The following SGCD variants were observed in gnomAD, a reference collection of about 807,000 sequenced individuals.
The protein encoded by SGCD is sarcoglycan delta, also known as delta-sarcoglycan.
A neutral mutation model predicts 36.6 loss-of-function variants in SGCD; 18 were observed. That is an observed-to-expected ratio of 0.49 (90% confidence interval 0.34 to 0.73). The LOEUF is 0.73. Among genes scored for constraint, SGCD ranks in the 30% least tolerant of loss-of-function variants. The pLI, the probability that SGCD is intolerant of heterozygous loss-of-function variation, is 0.01. For missense variants in SGCD, 387 were observed against 346.7 expected, an observed-to-expected ratio of 1.12 and a Z score of -0.92; for synonymous variants, 133 against 130.6, an observed-to-expected ratio of 1.02 and a Z score of -0.12.
intron 3 of SGCD, among the ~76,000 whole-genome samples, chr5:156,267,525 C>T (rs539269419): frequency 1.2e-4 from 19 of 152,280 alleles, no homozygotes; most frequent in African/African-American, 4.6e-4. Flanking sequence ...TTTTCGGAAA[C>T]CAGCCTGAGG....
intron 3 of SGCD, among the ~76,000 whole-genome samples, chr5:156,254,036 T>C (rs1290822209): frequency 1.3e-5 from 2 of 152,190 alleles, no homozygotes; most frequent in Non-Finnish European, 2.9e-5. Flanking sequence ...ATATAAACAA[T>C]TATATCATCG....
chr5:155,984,010 G>A (rs1165686312), intron 1 of SGCD, among the ~76,000 whole-genome samples: 1 of 152,138 alleles, frequency 6.6e-6, no homozygotes, highest in Non-Finnish European at 1.5e-5. Flanking sequence ...CCATTTGTCA[G>A]TATCATTTGC....
chr5:156,275,459 A>G (rs536500601), intron 3 of SGCD, among the ~76,000 whole-genome samples: 1 of 152,364 alleles, frequency 6.6e-6, no homozygotes, highest in South Asian at 2.1e-4. Flanking sequence ...TAGAAACAAC[A>G]TAAAATAAGT....
intron 1 of SGCD, among the ~76,000 whole-genome samples, chr5:156,043,726 T>C (rs1759692756): frequency 6.6e-6 from 1 of 152,138 alleles, no homozygotes; most frequent in Non-Finnish European, 1.5e-5. Flanking sequence ...AGCCCTACCC[T>C]TTTTAAAACC....
At chr5:156,738,916 T>G (rs1174522897) in intron 7 of SGCD, among the ~76,000 whole-genome samples, 1 of 152,236 alleles carries the variant, frequency 6.6e-6, no homozygotes, top group African/African-American at 2.4e-5. Flanking sequence ...ATCCAGCAGA[T>G]GAGGTGCTTG....
the SGCD span, among the ~76,000 whole-genome samples, chr5:155,784,337 T>C: frequency 2.0e-5 from 3 of 152,100 alleles, no homozygotes; most frequent in Non-Finnish European, 2.9e-5. Context: ...TTAAAAACCA[T>C]TGAGTGATGT....
rs183053717 is a variant in SGCD, at chr5:156,575,417, A to G, written c.295-13814A>G. On this transcript the variant is annotated intron_variant, in intron 4 of 8. Transcript: ENST00000337851. ...CTTAAACTTACAGCTTAGACTACAC[A>G]TTCCACTGTAGTAGAACAAGCGGAA... Among the ~76,000 whole-genome samples, 277 of 152,292 alleles carry G rather than the reference A, an allele frequency of 1.8e-3. 1 individual carries two copies. The highest frequency in any genetic ancestry group is 6.4e-3 in the African/African-American group (265 of 41,560).
chr5:156,309,581 C>A (rs1191416912), intron 3 of SGCD, among the ~76,000 whole-genome samples: 1 of 145,740 alleles, frequency 6.9e-6, no homozygotes, highest in South Asian at 2.2e-4. Context: ...TTCATTACAT[C>A]TTCCTTTAGA....
intron 3 of SGCD, among the ~76,000 whole-genome samples, chr5:156,319,029 T>C (rs529355167): frequency 1.3e-5 from 2 of 152,362 alleles, no homozygotes; most frequent in Admixed American, 1.3e-4. Flanking sequence ...AATTTCTTTC[T>C]GCTTTTTGGC....
chr5:156,478,625 G>C (rs2127835769), intron 3 of SGCD, among the ~76,000 whole-genome samples: 1 of 152,274 alleles, frequency 6.6e-6, no homozygotes, highest in African/African-American at 2.4e-5. Context: ...GTGTCTCCCA[G>C]GCTGGAGTGC....
intron 3 of SGCD, among the ~76,000 whole-genome samples, chr5:156,172,853 T>C (rs1348182673): frequency 6.6e-6 from 1 of 151,118 alleles, no homozygotes; most frequent in Non-Finnish European, 1.5e-5. Flanking sequence ...TGTAATTTGT[T>C]TTTTTTTTAA....
At chr5:156,204,473 TACACACAC>T (rs58745098) in intron 3 of SGCD, among the ~76,000 whole-genome samples, 16 of 147,494 alleles carry the variant, frequency 1.1e-4, no homozygotes, top group Admixed American at 6.8e-4. Context: ...AACACACTCA[TACACACAC>T]ACACACACAC....
chr5:156,425,858 G>A (rs143174097), intron 3 of SGCD, among the ~76,000 whole-genome samples: 1 of 151,996 alleles, frequency 6.6e-6, no homozygotes, highest in Non-Finnish European at 1.5e-5. Context: ...ATGGCCTCCA[G>A]CTCCATCCAA....
chr5:156,589,211 C>G lies in SGCD; in HGVS notation c.295-20C>G, dbSNP rs144250417. The G allele has an allele frequency of 1.3e-6, 2 of 1,485,304 alleles. No homozygotes were observed. Among genetic ancestry groups the G allele is most frequent in the Non-Finnish European group, 1.8e-6 (2 of 1,085,092 alleles). 92.0% of individuals were successfully genotyped at this position (1,485,304 alleles called of 1,614,324 possible). On this transcript the variant is annotated intron_variant, in intron 4 of 8. Transcript: ENST00000337851. ...AGAAATCTATCATTTTCATGTCTTT[C>G]TCTTATTTTCTTATTGCAGGGTAAT... is the stretch of plus-strand genomic sequence containing the variant.
At chr5:156,174,161 G>A (rs773995157) in intron 3 of SGCD, among the ~76,000 whole-genome samples, 29 of 151,270 alleles carry the variant, frequency 1.9e-4, no homozygotes, top group African/African-American at 2.9e-4. Context: ...TCTGAGGGGT[G>A]GAACTCTAAC....
chr5:156,260,574 T>C (rs1402652953), intron 3 of SGCD, among the ~76,000 whole-genome samples: 1 of 152,166 alleles, frequency 6.6e-6, no homozygotes, highest in Non-Finnish European at 1.5e-5. Flanking sequence ...CTAAATTTAC[T>C]TATTAGCTCA....
intron 4 of SGCD, among the ~76,000 whole-genome samples, chr5:156,519,527 C>A (rs1757318657): frequency 2.6e-5 from 4 of 150,994 alleles, no homozygotes; most frequent in Admixed American, 2.6e-4. Context: ...ATGAAGCCAG[C>A]ATAATTCTGA....
the SGCD span, among the ~76,000 whole-genome samples, chr5:155,730,812 A>G: frequency 6.6e-6 from 1 of 152,142 alleles, no homozygotes; most frequent in Non-Finnish European, 1.5e-5. Context: ...ATACTCTGGA[A>G]TTTTCCTGCA....
intron 1 of SGCD, among the ~76,000 whole-genome samples, chr5:156,114,012 T>C (rs754193017): frequency 6.6e-6 from 1 of 151,952 alleles, no homozygotes; most frequent in Non-Finnish European, 1.5e-5. Context: ...GAGGGATAAA[T>C]AGATGGAGCC....
Sources: allele counts gnomAD v4.1 joint callset (sites outside exome capture counted in the v4.1 genomes callset), GRCh38; gene constraint gnomAD v4.1.1; transcripts MANE v1.5; gene names NCBI Gene and HGNC (gene_info 2026-07-23, HGNC 2026-07-21).